Variants in PKP4 observed in about 807,000 individuals in gnomAD.
PKP4 encodes the protein plakophilin-4.
Under a neutral mutation model 145.1 loss-of-function variants are expected in PKP4, and 90 were observed. The ratio of observed to expected loss-of-function variants is 0.62; its 90% CI spans 0.52 to 0.74. The LOEUF (loss-of-function observed/expected upper bound fraction) is 0.74. Ranked by LOEUF, PKP4 falls within the 30% of genes least tolerant of loss-of-function variation. The pLI, the probability that PKP4 is intolerant of heterozygous loss-of-function variation, is 0.00. For missense variants in PKP4, 1,340 were observed against 1,482.7 expected, an observed-to-expected ratio of 0.90 and a Z score of 1.58; for synonymous variants, 563 against 577.2, an observed-to-expected ratio of 0.98 and a Z score of 0.35.
intron 11 of PKP4, among the ~76,000 whole-genome samples, chr2:158,652,974 CAG>C (rs1032030478): frequency 6.6e-6 from 1 of 152,192 alleles, no homozygotes; most frequent in Non-Finnish European, 1.5e-5. Context: ...CCAGAGCACT[CAG>C]AGCGAGGTTC....
Position 158,472,612 on chromosome 2 carries a change from CA to C in PKP4, c.-6+15415del, listed in dbSNP as rs67665979. Among the ~76,000 whole-genome samples the C allele has an allele frequency of 3.4e-3, 224 of 65,148 alleles. 1 individual carries two copies. Among genetic ancestry groups the C allele is most frequent in the African/African-American group, 4.8e-3 (77 of 15,944 alleles). The allele number at this position is 65,148 out of a possible 152,430, so 42.7% of individuals were successfully genotyped here. A position where few individuals can be genotyped will look rare whatever the true frequency, so the allele number is the denominator to read the frequency against. On this transcript the variant is annotated intron_variant, in intron 1 of 21. Coordinates refer to ENST00000389759, the MANE Select transcript of PKP4 (RefSeq NM_003628.6). ...TGGGACACAGAGCGAGGCTCCATCT[CA>C]AAAAAAAAAAAAAAAAAAAAGAATT...
chr2:158,575,358 C>G (rs2105778235), intron 2 of PKP4, among the ~76,000 whole-genome samples: 1 of 152,288 alleles, frequency 6.6e-6, no homozygotes, highest in East Asian at 1.9e-4. Context: ...GTCACCCGTT[C>G]TGCTTTTGAG....
intron 1 of PKP4, among the ~76,000 whole-genome samples, chr2:158,513,326 G>A (rs974617992): frequency 6.6e-6 from 1 of 151,970 alleles, no homozygotes; most frequent in Non-Finnish European, 1.5e-5. Flanking sequence ...AGGTTTTGAG[G>A]AGCAGCTCCC....
chr2:158,577,516 C>A, intron 3 of PKP4, 133 bp downstream of exon 3: 1 of 617,258 alleles, frequency 1.6e-6, no homozygotes, highest in Non-Finnish European at 2.9e-6. Context: ...CCAAAAATGT[C>A]CATTTATTCT....
Position 158,594,717 on chromosome 2 carries a change from A to C in PKP4, c.246-8353A>C, listed in dbSNP as rs368592217. Among the ~76,000 whole-genome samples, 226 of 152,308 alleles carry C rather than the reference A, an allele frequency of 1.5e-3. 1 individual carries two copies. Among genetic ancestry groups the C allele is most frequent in the African/African-American group, 5.2e-3 (218 of 41,574 alleles). On this transcript the variant is annotated intron_variant, in intron 3 of 21. Coordinates refer to ENST00000389759, the MANE Select transcript of PKP4 (RefSeq NM_003628.6). Reference sequence around the variant, plus strand: ...TTGTTTTCATTGAGATTGATTGTGAATGGACACTAAGTAAATTTGGAAGGG... The same window carrying C: ...TTGTTTTCATTGAGATTGATTGTGACTGGACACTAAGTAAATTTGGAAGGG...
At chr2:158,487,179 C>T (rs76949861) in intron 1 of PKP4, among the ~76,000 whole-genome samples, 29,937 of 152,056 alleles carry the variant, frequency 0.2, 3,791 homozygotes, top group Middle Eastern at 0.34. Context: ...CTGTCAGCTT[C>T]GTGCGATAGT....
chr2:158,666,638 TA>T, intron 16 of PKP4, 75 bp downstream of exon 16: 1 of 1,271,012 alleles, frequency 7.9e-7, no homozygotes, highest in Non-Finnish European at 1.1e-6. Context: ...TTTTGATTAA[TA>T]AATATATGGC....
chr2:158,661,565 G>A, intron 13 of PKP4, 115 bp downstream of exon 13: 1 of 699,296 alleles, frequency 1.4e-6, no homozygotes, highest in Non-Finnish European at 2.6e-6. Flanking sequence ...TCCTCAGGAG[G>A]CCACTCTCCA....
intron 1 of PKP4, among the ~76,000 whole-genome samples, chr2:158,505,381 G>A (rs945419063): frequency 6.6e-6 from 1 of 151,354 alleles, no homozygotes; most frequent in African/African-American, 2.4e-5. Flanking sequence ...ATGCCTATCA[G>A]GAAAGCCAAA....
At chr2:158,636,825 C>G (rs1163354761) in intron 9 of PKP4, among the ~76,000 whole-genome samples, 8 of 152,048 alleles carry the variant, frequency 5.3e-5, no homozygotes, top group Non-Finnish European at 1.0e-4. Flanking sequence ...ATTTCCAATC[C>G]TTGAATTTGG....
chr2:158,625,154 C>T lies in PKP4; in HGVS notation c.880C>T (p.Arg294Trp), dbSNP rs771451922. Residue 294 changes from arginine to tryptophan, a missense_variant, in exon 7 of 22, where the codon CGG becomes TGG. Transcript: ENST00000389759. The stretch of plus-strand genomic sequence containing the variant: ...ACGGCGGATTGGGTCAGTCACCTCC[C>T]GGCAGACCTCCAATCCCAACGGACC... ...AIRRIGSVTS[R>W]QTSNPNGPTP... 46 of 1,614,036 alleles carry T rather than the reference C, an allele frequency of 2.9e-5. No homozygotes were observed. In the East Asian group the frequency reaches 4.2e-4, roughly 15 times the overall value.
chr2:158,533,131 G>T (rs972912073), intron 1 of PKP4, 49 bp from the exon 2 acceptor site: 27 of 1,536,410 alleles, frequency 1.8e-5, no homozygotes, highest in Non-Finnish European at 2.3e-5. Context: ...CTTGGTTCCT[G>T]CAAGGGAGCC....
intron 9 of PKP4, among the ~76,000 whole-genome samples, chr2:158,635,946 C>T (rs2053773094): frequency 6.6e-6 from 1 of 152,114 alleles, no homozygotes; most frequent in Admixed American, 6.5e-5. Flanking sequence ...GTTTTATTCA[C>T]TTGTAAGCCT....
At position 158,577,379 on chromosome 2, in the gene PKP4, AC is replaced by A; in HGVS notation, c.243del (p.Ser82AlafsTer19). 1 of 1,607,182 alleles carries A rather than the reference AC, an allele frequency of 6.2e-7. No homozygotes were observed. Among genetic ancestry groups the A allele is most frequent in the Non-Finnish European group, 8.5e-7 (1 of 1,174,392 alleles). On this transcript the variant is annotated frameshift_variant, in exon 3 of 22. Transcript: ENST00000389759. LOFTEE classifies it high-confidence loss of function. ...LGAESPSIAS[T>X]SSTEKSFPWR... The stretch of plus-strand genomic sequence containing the variant: ...AGCAGAATCACCAAGCATCGCCAGC[AC>A]CAGGTACAGGGCCAATGGCTCCATC...
intron 12 of PKP4, chr2:158,659,590 T>C (rs1237042542): frequency 2.0e-5 from 3 of 152,290 alleles, no homozygotes; most frequent in Non-Finnish European, 2.9e-5. Flanking sequence ...ATGGTTACTT[T>C]GGTGGTCAGG....
intron 1 of PKP4, among the ~76,000 whole-genome samples, chr2:158,504,832 T>A (rs1156972849): frequency 6.6e-6 from 1 of 152,244 alleles, no homozygotes; most frequent in Non-Finnish European, 1.5e-5. Context: ...ATACTGAATA[T>A]GTTGAAATCT....
intron 3 of PKP4, among the ~76,000 whole-genome samples, chr2:158,587,414 T>C (rs1434629022): frequency 3.9e-5 from 6 of 152,078 alleles, no homozygotes; most frequent in Non-Finnish European, 4.4e-5. Flanking sequence ...ATAAGAATTA[T>C]AATATTAGCC....
chr2:158,607,044 C>A (rs1488693558), intron 4 of PKP4, among the ~76,000 whole-genome samples: 1 of 151,856 alleles, frequency 6.6e-6, no homozygotes, highest in Admixed American at 6.6e-5. Context: ...TGTATTGGTA[C>A]CTTTGATTTG....
In PKP4 at chr2:158,626,600, T is replaced by A. The variant is rs377183855; in HGVS notation, c.1153+1173T>A. On this transcript the variant is annotated intron_variant, in intron 7 of 21. Coordinates refer to ENST00000389759, the MANE Select transcript of PKP4 (RefSeq NM_003628.6). ...ACGTAGAATTGCCTTCTAAGAAGGT[T>A]ACACACGGATTTATATTTCTGCCAG... Among the ~76,000 whole-genome samples, 20 of 152,326 alleles carry A rather than the reference T, an allele frequency of 1.3e-4. 2 individuals carry two copies. The highest frequency in any genetic ancestry group is 1.2e-3 in the South Asian group (6 of 4,832).
Sources: allele counts gnomAD v4.1 joint callset (sites outside exome capture counted in the v4.1 genomes callset), GRCh38; gene constraint gnomAD v4.1.1; transcripts MANE v1.5; gene names NCBI Gene and HGNC (gene_info 2026-07-23, HGNC 2026-07-21).